Variants in TBC1D31 observed in about 807,000 individuals in gnomAD.
TBC1D31 encodes TBC1 domain family member 31, also known as WD repeat domain 67.
TBC1D31 carries 99 observed loss-of-function variants against 132.9 expected under a neutral mutation model. The ratio of observed to expected loss-of-function variants is 0.74; its 90% CI spans 0.63 to 0.88. The LOEUF (loss-of-function observed/expected upper bound fraction) is 0.88, where lower values mean the gene tolerates loss of function less well. Ranked by LOEUF, TBC1D31 falls within the 40% of genes least tolerant of loss-of-function variation. TBC1D31 has a pLI of 0.00. For missense variants in TBC1D31, 1,134 were observed against 1,256.6 expected, an observed-to-expected ratio of 0.90 and a Z score of 1.48; for synonymous variants, 385 against 419.4, an observed-to-expected ratio of 0.92 and a Z score of 1.00.
At chr8:123,150,767 A>G (rs912868779) in intron 21 of TBC1D31, among the ~76,000 whole-genome samples, 2 of 152,246 alleles carry the variant, frequency 1.3e-5, no homozygotes, top group African/African-American at 4.8e-5. Context: ...TAAAGAAGCT[A>G]ACAATCTTCC....
rs898944830 is a variant in TBC1D31 at position 123,151,967 on chromosome 8, A to C, written c.*28A>C. ...TGCATGTCACCTTGAGACGGTCGAG[A>C]GAGAGACCTATTTTGCAATCAGTGA... On this transcript the variant is annotated 3_prime_UTR_variant, in exon 22 of 22. Coordinates refer to ENST00000287380, the MANE Select transcript of TBC1D31 (RefSeq NM_145647.4). 2.8e-6 allele frequency: 4 copies of C among 1,442,324 alleles called. No homozygotes were observed. Among genetic ancestry groups the C allele is most frequent in the Non-Finnish European group, 3.7e-6 (4 of 1,092,192 alleles). 89.3% of individuals were successfully genotyped at this position (1,442,324 alleles called of 1,614,324 possible).
At chr8:123,159,175 C>T in the TBC1D31 span, among the ~76,000 whole-genome samples, 1 of 151,720 alleles carries the variant, frequency 6.6e-6, no homozygotes, top group Admixed American at 6.6e-5. Context: ...CAAACAGCCC[C>T]ACTTTCGGGT....
At chr8:123,140,136 G>A (rs1025882881) in intron 17 of TBC1D31, among the ~76,000 whole-genome samples, 10 of 152,180 alleles carry the variant, frequency 6.6e-5, no homozygotes, top group African/African-American at 1.4e-4. Context: ...GAGGCAGGCC[G>A]ATCACATGAG....
rs1820760410 is a variant in TBC1D31, at chr8:123,132,880, T to C, written c.2407-1234T>C. On this transcript the variant is annotated intron_variant, in intron 16 of 21. Coordinates refer to ENST00000287380, the MANE Select transcript of TBC1D31 (RefSeq NM_145647.4). ...GATATTTCATTACTGTAGAAAAGTG[T>C]ATGTTCTTCCCGCAAAGTAAGCTCA... Among the ~76,000 whole-genome samples, 3 of 152,232 alleles carry C rather than the reference T, an allele frequency of 2.0e-5. No homozygotes were observed. The South Asian group carries it at 6.2e-4, about 31-fold the overall frequency.
intron 4 of TBC1D31, among the ~76,000 whole-genome samples, chr8:123,092,462 T>C (rs1180908613): frequency 6.6e-6 from 1 of 152,158 alleles, no homozygotes; most frequent in Non-Finnish European, 1.5e-5. Context: ...ATAGTATATG[T>C]AGAACTATAT....
chr8:123,149,051 A>G (rs887346012), intron 20 of TBC1D31, among the ~76,000 whole-genome samples: 1 of 152,202 alleles, frequency 6.6e-6, no homozygotes, highest in African/African-American at 2.4e-5. Context: ...CCGTCTAAAA[A>G]AAAAAAAGTG....
At chr8:123,148,343 AGTT>A (rs1822439945) in intron 20 of TBC1D31, among the ~76,000 whole-genome samples, 2 of 152,218 alleles carry the variant, frequency 1.3e-5, no homozygotes, top group Admixed American at 1.3e-4. Context: ...GGTAATCATT[AGTT>A]GTTTGAACAG....
chr8:123,106,795 A>G (rs1385292048), intron 8 of TBC1D31, among the ~76,000 whole-genome samples: 1 of 152,242 alleles, frequency 6.6e-6, no homozygotes, highest in Non-Finnish European at 1.5e-5. Context: ...ATTAGGACTC[A>G]GCATGTAGCC....
At chr8:123,080,692 A>G (rs1815058752) in intron 2 of TBC1D31, among the ~76,000 whole-genome samples, 2 of 151,558 alleles carry the variant, frequency 1.3e-5, no homozygotes, top group East Asian at 1.9e-4. Context: ...ATGTGCCACC[A>G]CGCCCAGCTA....
At chr8:123,150,291 C>T (rs758965764) in intron 21 of TBC1D31, among the ~76,000 whole-genome samples, 163 bp downstream of exon 21, 8 of 152,224 alleles carry the variant, frequency 5.3e-5, no homozygotes, top group Non-Finnish European at 1.0e-4. Flanking sequence ...TCAGATTCCT[C>T]AGTGGGAGAA....
chr8:123,093,857 C>T, intron 5 of TBC1D31, 115 bp downstream of exon 5: 1 of 721,756 alleles, frequency 1.4e-6, no homozygotes, highest in African/African-American at 1.8e-5. Flanking sequence ...GAAAAAGTTA[C>T]CTTCAAATTT....
At chr8:123,073,558 C>G (rs1032360789) in intron 1 of TBC1D31, 1 of 362,032 alleles carries the variant, frequency 2.8e-6, no homozygotes, top group Admixed American at 3.7e-5. Context: ...TCCCTGGAAG[C>G]CTTTGCTACA....
At chr8:123,073,545 G>A (rs542359798) in intron 1 of TBC1D31, 1 of 368,614 alleles carries the variant, frequency 2.7e-6, no homozygotes, top group African/African-American at 2.1e-5. Flanking sequence ...AGCCTGTCTT[G>A]TTTCCCTGGA....
intron 1 of TBC1D31, chr8:123,073,312 G>T: frequency 2.2e-6 from 1 of 457,398 alleles, no homozygotes; most frequent in South Asian, 1.5e-5. Context: ...GTGTTTAGAC[G>T]CACAAGCATT....
chr8:123,072,755 T>C lies in TBC1D31; in HGVS notation c.-15T>C. The C allele has an allele frequency of 1.3e-6, 2 of 1,555,424 alleles. No homozygotes were observed. The highest frequency in any genetic ancestry group is 8.7e-7 in the Non-Finnish European group (1 of 1,149,760). Reference sequence around the variant, plus strand: ...TTACCCAGCGGGCCGCCGGCGGTCGTGGGCAAGCTTCGCCATGCAGAGCAC... The same window carrying C: ...TTACCCAGCGGGCCGCCGGCGGTCGCGGGCAAGCTTCGCCATGCAGAGCAC... On this transcript the variant is annotated 5_prime_UTR_variant, in exon 1 of 22. Coordinates refer to ENST00000287380, the MANE Select transcript of TBC1D31 (RefSeq NM_145647.4).
Position 123,084,253 on chromosome 8 carries a change from T to G in TBC1D31, c.432T>G (p.Thr144=), listed in dbSNP as rs201913332. 119 of 1,614,156 alleles carry G rather than the reference T, an allele frequency of 7.4e-5. No individual in the cohort carries two copies. The highest frequency in any genetic ancestry group is 7.8e-5 in the Non-Finnish European group (92 of 1,179,990). The change falls in exon 4 of 22, where the codon ACT becomes ACG. Residue 144 remains threonine (T), a synonymous_variant. Coordinates refer to ENST00000287380, the MANE Select transcript of TBC1D31 (RefSeq NM_145647.4). The part of the protein sequence containing the change: ...VHASGKYAIT[T]SSDTAQLWDL... ...CATCAGGGAAATATGCCATCACAACTTCTTCTGATACAGCACAATTATGGG... is the reference window on the plus strand; with the variant it reads ...CATCAGGGAAATATGCCATCACAACGTCTTCTGATACAGCACAATTATGGG...
chr8:123,104,155 T>G (rs1483348646), intron 7 of TBC1D31: 3 of 152,192 alleles, frequency 2.0e-5, no homozygotes, highest in African/African-American at 7.2e-5. Context: ...CGGGAAATTG[T>G]GACATTTTAA....
At chr8:123,135,048 C>T (rs951493932) in intron 17 of TBC1D31, among the ~76,000 whole-genome samples, 5 of 152,230 alleles carry the variant, frequency 3.3e-5, no homozygotes, top group South Asian at 4.1e-4. Context: ...TACAGACGTG[C>T]GCCACCAAGC....
chr8:123,103,870 A>G (rs1817678571), intron 7 of TBC1D31: 1 of 152,132 alleles, frequency 6.6e-6, no homozygotes, highest in Non-Finnish European at 1.5e-5. Flanking sequence ...GATCTTTTTT[A>G]TTTTTTGACA....
Sources: allele counts gnomAD v4.1 joint callset (sites outside exome capture counted in the v4.1 genomes callset), GRCh38; gene constraint gnomAD v4.1.1; transcripts MANE v1.5; gene names NCBI Gene and HGNC (gene_info 2026-07-23, HGNC 2026-07-21).